Variants in GRID2 observed in about 807,000 individuals in gnomAD.
The protein encoded by GRID2 is glutamate ionotropic receptor delta type subunit 2.
Under a neutral mutation model 114.8 loss-of-function variants are expected in GRID2, and 33 were observed. The ratio of observed to expected loss-of-function variants is 0.29; its 90% confidence interval spans 0.22 to 0.38. The LOEUF (loss-of-function observed/expected upper bound fraction) is 0.38, where lower values mean the gene tolerates loss of function less well. GRID2 is among the 10% of genes least tolerant of loss of function. The pLI, the probability that GRID2 is intolerant of heterozygous loss-of-function variation, is 1.00. For missense variants in GRID2, 1,184 were observed against 1,257.7 expected, an observed-to-expected ratio of 0.94 and a Z score of 0.89; for synonymous variants, 505 against 449.9, an observed-to-expected ratio of 1.12 and a Z score of -1.55.
intron 12 of GRID2, among the ~76,000 whole-genome samples, chr4:93,497,671 A>C (rs1244620570): frequency 2.0e-5 from 3 of 151,548 alleles, no homozygotes; most frequent in African/African-American, 7.3e-5. Context: ...TGGCCATACT[A>C]TGTGAGTCTG....
intron 8 of GRID2, among the ~76,000 whole-genome samples, chr4:93,314,910 C>T (rs546936129): frequency 3.9e-5 from 6 of 152,096 alleles, no homozygotes; most frequent in Non-Finnish European, 7.4e-5. Context: ...GATTTCAAGT[C>T]TATAGGAGTG....
At chr4:92,521,501 TA>T (rs1454345881) in intron 1 of GRID2, among the ~76,000 whole-genome samples, 2 of 151,992 alleles carry the variant, frequency 1.3e-5, no homozygotes, top group Admixed American at 1.3e-4. Flanking sequence ...ACTAAACATT[TA>T]ATTCACTGAG....
chr4:92,395,411 A>G (rs1390774409), intron 1 of GRID2, among the ~76,000 whole-genome samples: 1 of 151,766 alleles, frequency 6.6e-6, no homozygotes, highest in Non-Finnish European at 1.5e-5. Context: ...GTTTTCAAAC[A>G]TATTGACTGT....
chr4:93,056,487 G>C (rs1371668275), intron 2 of GRID2, among the ~76,000 whole-genome samples: 1 of 151,866 alleles, frequency 6.6e-6, no homozygotes, highest in Non-Finnish European at 1.5e-5. Context: ...ATAAATGAAA[G>C]AGTAGCATAT....
chr4:92,752,428 A>G (rs1737499683), intron 2 of GRID2, among the ~76,000 whole-genome samples: 1 of 152,228 alleles, frequency 6.6e-6, no homozygotes. Context: ...TTTGAGTGGA[A>G]TACTAAACAA....
intron 1 of GRID2, among the ~76,000 whole-genome samples, chr4:92,323,426 T>G (rs1356131662): frequency 6.6e-6 from 1 of 152,094 alleles, no homozygotes; most frequent in African/African-American, 2.4e-5. Context: ...GCCCTTTCTG[T>G]TTCATGTAGA....
At chr4:93,154,853 A>T (rs932769936) in intron 4 of GRID2, among the ~76,000 whole-genome samples, 4 of 151,814 alleles carry the variant, frequency 2.6e-5, no homozygotes, top group African/African-American at 9.7e-5. Context: ...TTAGGAACCC[A>T]TTCTCTGTCC....
chr4:92,730,519 A>G (rs1736281568), intron 2 of GRID2, among the ~76,000 whole-genome samples: 1 of 151,992 alleles, frequency 6.6e-6, no homozygotes, highest in Non-Finnish European at 1.5e-5. Flanking sequence ...TTCTTTATGT[A>G]TTTACAATAT....
chr4:92,651,530 G>C (rs1174283294), intron 2 of GRID2, among the ~76,000 whole-genome samples: 1 of 151,986 alleles, frequency 6.6e-6, no homozygotes, highest in African/African-American at 2.4e-5. Context: ...TTCTCCACTA[G>C]CTAGGTCACC....
chr4:93,122,239 A>G (rs1733842405), intron 4 of GRID2, among the ~76,000 whole-genome samples: 1 of 152,128 alleles, frequency 6.6e-6, no homozygotes, highest in Admixed American at 6.6e-5. Flanking sequence ...TTAAATCTGA[A>G]GTTCATCTGA....
intron 2 of GRID2, among the ~76,000 whole-genome samples, chr4:92,922,364 GTCC>G (rs1749432306): frequency 1.3e-5 from 2 of 152,032 alleles, no homozygotes; most frequent in African/African-American, 2.4e-5. Flanking sequence ...TGCACCCACT[GTCC>G]GACAATCCCC....
At chr4:92,762,121 G>T (rs1480654305) in intron 2 of GRID2, among the ~76,000 whole-genome samples, 1 of 151,802 alleles carries the variant, frequency 6.6e-6, no homozygotes, top group Non-Finnish European at 1.5e-5. Context: ...CACCATTTTG[G>T]CCAGGATGGT....
chr4:93,525,724 G>A (rs1347753988), intron 13 of GRID2, among the ~76,000 whole-genome samples: 3 of 152,040 alleles, frequency 2.0e-5, no homozygotes, highest in African/African-American at 4.8e-5. Context: ...AAACTTCAGA[G>A]GACTGTAGTG....
At chr4:92,780,284 G>A (rs967071174) in intron 2 of GRID2, among the ~76,000 whole-genome samples, 3 of 151,988 alleles carry the variant, frequency 2.0e-5, no homozygotes, top group Admixed American at 6.6e-5. Context: ...TTTGTTTTTA[G>A]CAACTTAATT....
At chr4:93,064,100 A>T (rs1728048213) in intron 2 of GRID2, among the ~76,000 whole-genome samples, 1 of 145,380 alleles carries the variant, frequency 6.9e-6, no homozygotes, top group Non-Finnish European at 1.5e-5. Flanking sequence ...ATATAACAGT[A>T]AAACTTATAA....
chr4:92,543,292 A>G (rs1457162400), intron 1 of GRID2, among the ~76,000 whole-genome samples: 2 of 152,194 alleles, frequency 1.3e-5, no homozygotes, highest in Non-Finnish European at 2.9e-5. Context: ...CACACTGCTA[A>G]TAAGTTAGCA....
intron 4 of GRID2, among the ~76,000 whole-genome samples, chr4:93,112,811 A>T (rs926856318): frequency 1.6e-4 from 25 of 152,072 alleles, no homozygotes; most frequent in Non-Finnish European, 2.9e-4. Flanking sequence ...TGGCTTGTAG[A>T]TGAATTCTTT....
At chr4:93,164,703 T>C (rs1261580079) in intron 4 of GRID2, 4 of 434,712 alleles carry the variant, frequency 9.2e-6, no homozygotes, top group African/African-American at 4.0e-5. Context: ...AGTGACAAAA[T>C]ATGCTTAATT....
At chr4:93,319,597 A>AC (rs1246516202) in intron 8 of GRID2, 3 of 152,020 alleles carry the variant, frequency 2.0e-5, no homozygotes, top group African/African-American at 7.2e-5. Flanking sequence ...GGCTTGACCT[A>AC]CCATATGGGT....
Sources: gnomAD v4.1 joint callset for allele counts (sites outside exome capture counted in the v4.1 genomes callset) on GRCh38, gnomAD v4.1.1 for gene constraint, MANE v1.5 for transcripts, NCBI Gene and HGNC (gene_info 2026-07-23, HGNC 2026-07-21) for gene names.